Variants in MYH10 observed in about 807,000 individuals in gnomAD.
The protein encoded by MYH10 is myosin heavy chain 10.
Under a neutral mutation model 257.8 loss-of-function variants are expected in MYH10, and 55 were observed. The ratio of observed to expected loss-of-function variants is 0.21; its 90% CI spans 0.17 to 0.27. The LOEUF (loss-of-function observed/expected upper bound fraction) is 0.27. MYH10 is among the 10% of genes least tolerant of loss of function. MYH10 has a pLI of 1.00. For synonymous variants in MYH10, 854 were observed against 921.7 expected (o/e 0.93, Z 1.33); for missense variants, 1,631 against 2,500.6 (o/e 0.65, Z 7.42).
In MYH10 at chr17:8,545,753, G is replaced by A. The variant is rs1358872112; in HGVS notation, c.1279-153C>T. Among the ~76,000 whole-genome samples, 1 of 152,138 alleles carries A rather than the reference G, an allele frequency of 6.6e-6. No individual in the cohort carries two copies. Among genetic ancestry groups the A allele is most frequent in the East Asian group, 1.9e-4 (1 of 5,194 alleles). On this transcript the variant is annotated intron_variant, in intron 12 of 42. Coordinates refer to ENST00000360416, the MANE Select transcript of MYH10 (RefSeq NM_001256012.3). This position sits in a 1 kb window ranked among gnomAD's most constrained non-coding sequence, Gnocchi z 4.7. Reference sequence around the variant, plus strand: ...TCTCAATTTTACACATCAATAGAAGGCAATATTAGAAGAATTAAATGAACA... The same window carrying A: ...TCTCAATTTTACACATCAATAGAAGACAATATTAGAAGAATTAAATGAACA...
At chr17:8,546,080 AC>A (rs1325981871) in intron 12 of MYH10, among the ~76,000 whole-genome samples, 2 of 150,826 alleles carry the variant, frequency 1.3e-5, no homozygotes, top group Non-Finnish European at 2.9e-5. Context: ...TTTTTTTGAT[AC>A]GGAGTCTCGT....
chr17:8,492,847 G>A lies in MYH10; in HGVS notation c.4387C>T (p.Leu1463Phe). Residue 1463 changes from leucine to phenylalanine, a missense_variant, in exon 33 of 43, where the codon CTC becomes TTC. Physicochemically the swap from Leu to Phe is conservative, Grantham distance 22 (BLOSUM62 0). Transcript: ENST00000360416. Reference protein sequence around the residue: ...KNRLQQELDDLTVDLDHQRQV... With the variant: ...KNRLQQELDDFTVDLDHQRQV... ...CGCTGGTGGTCCAGGTCCACCGTGA[G>A]GTCGTCCAGCTCCTGCTGCAGGCGG... The A allele has an allele frequency of 6.2e-7, 1 of 1,614,114 alleles. No individual in the cohort carries two copies. Among genetic ancestry groups the A allele is most frequent in the East Asian group, 2.2e-5 (1 of 44,872 alleles).
intron 3 of MYH10, among the ~76,000 whole-genome samples, chr17:8,596,545 T>A (rs1182669286): frequency 6.6e-6 from 1 of 151,996 alleles, no homozygotes. Context: ...GAAACTTGTA[T>A]CCAGTTTCGA....
At position 8,477,159 on chromosome 17, in the gene MYH10, G is replaced by A. The variant is rs1024587120; in HGVS notation, c.5707-111C>T. On this transcript the variant is annotated intron_variant, in intron 41 of 42. Transcript: ENST00000360416. This position sits in a 1 kb window ranked among gnomAD's most constrained non-coding sequence, Gnocchi z 4.2. ...CTCTGCCTGTTACCCTTGTGAGCAC[G>A]CGTGTACACGGATGTACACGCGTGC... is the stretch of plus-strand genomic sequence containing the variant. The A allele has an allele frequency of 7.3e-6, 9 of 1,236,908 alleles. No individual in the cohort carries two copies. Among genetic ancestry groups the A allele is most frequent in the Middle Eastern group, 2.2e-4 (1 of 4,544 alleles). The allele number at this position is 1,236,908 out of a possible 1,614,324, so 76.6% of individuals were successfully genotyped here.
chr17:8,563,342 T>C (rs1011384561), intron 7 of MYH10, among the ~76,000 whole-genome samples: 2 of 152,186 alleles, frequency 1.3e-5, no homozygotes, highest in African/African-American at 4.8e-5. Context: ...TAGGGTAACA[T>C]GAGTGGCATT....
intron 9 of MYH10, among the ~76,000 whole-genome samples, chr17:8,550,040 A>G (rs2082574104): frequency 1.4e-5 from 2 of 147,510 alleles, no homozygotes. Flanking sequence ...GCTCGCTACA[A>G]CCTCCACCTC....
chr17:8,621,800 C>CA (rs1352604485), intron 2 of MYH10, among the ~76,000 whole-genome samples: 1 of 152,222 alleles, frequency 6.6e-6, no homozygotes, highest in African/African-American at 2.4e-5. Context: ...TCCCACCAGT[C>CA]AGACTCCAGC....
chr17:8,590,873 C>CTTTTTTTTTTTTTTTTTTTTTT (rs398030291), intron 3 of MYH10, among the ~76,000 whole-genome samples: 1 of 90,094 alleles, frequency 1.1e-5, no homozygotes, highest in Admixed American at 1.8e-4. Context: ...TCAATGTCGC[C>CTTTTTTTTTTTTTTTTTTTTTT]TTTTTTTTTT....
intron 40 of MYH10, among the ~76,000 whole-genome samples, chr17:8,479,114 CTTAGT>C (rs995137313): frequency 1.3e-5 from 2 of 152,180 alleles, no homozygotes; most frequent in Non-Finnish European, 2.9e-5. Context: ...AGACACCATC[CTTAGT>C]TTAATCACCT....
At chr17:8,604,251 A>T (rs900792991) in intron 3 of MYH10, among the ~76,000 whole-genome samples, 2 of 152,200 alleles carry the variant, frequency 1.3e-5, no homozygotes, top group Admixed American at 1.3e-4. Flanking sequence ...TATTAATTGC[A>T]TTCAAAACCA....
intron 2 of MYH10, among the ~76,000 whole-genome samples, chr17:8,613,121 A>G (rs925476203): frequency 1.3e-5 from 2 of 152,328 alleles, no homozygotes; most frequent in African/African-American, 2.4e-5. Flanking sequence ...GGGAACAACA[A>G]TCAAACTACA....
chr17:8,500,818 T>C lies in MYH10; in HGVS notation c.3744+8A>G, dbSNP rs1320724993. On this transcript the variant is annotated splice_region_variant and intron_variant, in intron 29 of 42. Transcript: ENST00000360416. ...CCAGGCCACAGCACACGGCAGGGCC[T>C]CCCTTACCCGCTTGGCCTGTTCCAG... The C allele has an allele frequency of 7.4e-6, 12 of 1,610,864 alleles. No homozygotes were observed. The highest frequency in any genetic ancestry group is 1.0e-5 in the Non-Finnish European group (12 of 1,179,482).
intron 6 of MYH10, among the ~76,000 whole-genome samples, chr17:8,571,927 C>CT (rs10654533): frequency 3.1e-3 from 452 of 146,782 alleles, no homozygotes; most frequent in East Asian, 5.6e-3. Flanking sequence ...CTCTAAAAGC[C>CT]TTTTTTTTTT....
At chr17:8,537,909 T>C (rs1030918287) in intron 14 of MYH10, among the ~76,000 whole-genome samples, 29 of 152,208 alleles carry the variant, frequency 1.9e-4, no homozygotes, top group African/African-American at 6.8e-4. Context: ...TTTCTGAATA[T>C]TGGTCATAGG....
At chr17:8,485,275 A>G (rs539052260) in intron 36 of MYH10, among the ~76,000 whole-genome samples, 78 of 152,276 alleles carry the variant, frequency 5.1e-4, no homozygotes, top group Middle Eastern at 3.4e-3. Flanking sequence ...AGGTATAAAG[A>G]AAAAAAGTGA....
At chr17:8,478,492 T>G in intron 40 of MYH10, 46 bp from the exon 41 acceptor site, 1 of 1,571,084 alleles carries the variant, frequency 6.4e-7, no homozygotes, top group African/African-American at 1.4e-5. Flanking sequence ...AAATGGTATT[T>G]TGTGTGGGAA....
At position 8,538,908 on chromosome 17, in the gene MYH10, A is replaced by G. The variant is rs1219006236; in HGVS notation, c.1606-2977T>C. 4.6e-5 allele frequency among the ~76,000 whole-genome samples: 7 copies of G among 152,280 alleles called. No homozygotes were observed. In the East Asian group the frequency reaches 1.2e-3, roughly 25 times the overall value. On this transcript the variant is annotated intron_variant, in intron 14 of 42. Transcript: ENST00000360416. ...GTTCCTAATGCAGCCGTGTTGAGAGATAAGACCTTTGGGAGGTAACTGGGT... is the reference window on the plus strand; with the variant it reads ...GTTCCTAATGCAGCCGTGTTGAGAGGTAAGACCTTTGGGAGGTAACTGGGT...
At chr17:8,618,225 A>C (rs905633599) in intron 2 of MYH10, among the ~76,000 whole-genome samples, 1 of 151,754 alleles carries the variant, frequency 6.6e-6, no homozygotes, top group Non-Finnish European at 1.5e-5. Context: ...ATACTACTAA[A>C]ACTTAACATG....
In MYH10 at chr17:8,569,711, G is replaced by T; in HGVS notation, c.756+9C>A. The T allele has an allele frequency of 6.3e-7, 1 of 1,585,390 alleles. No individual in the cohort carries two copies. Among genetic ancestry groups the T allele is most frequent in the Non-Finnish European group, 8.6e-7 (1 of 1,158,648 alleles). On this transcript the variant is annotated intron_variant, in intron 7 of 42. Coordinates refer to ENST00000360416, the MANE Select transcript of MYH10 (RefSeq NM_001256012.3). This position sits in a 1 kb window ranked among gnomAD's most constrained non-coding sequence, Gnocchi z 4.1. Reference sequence around the variant, plus strand: ...AGGAATTAAAAGCTTCTGGTGCTTTGAAACTTACAAAACGAGATGAGTTAT... The same window carrying T: ...AGGAATTAAAAGCTTCTGGTGCTTTTAAACTTACAAAACGAGATGAGTTAT...
Sources: gnomAD v4.1 joint callset for allele counts (sites outside exome capture counted in the v4.1 genomes callset) on GRCh38, gnomAD v4.1.1 for gene constraint, Gnocchi (gnomAD v3.1) non-coding constraint, MANE v1.5 for transcripts, NCBI Gene and HGNC (gene_info 2026-07-23, HGNC 2026-07-21) for gene names.